The following LTBP1 variants were observed in gnomAD, a reference collection of about 807,000 sequenced individuals.
LTBP1 encodes the protein latent transforming growth factor beta binding protein 1.
A neutral mutation model predicts 207.6 loss-of-function variants in LTBP1; 129 were observed. The observed-to-expected ratio is 0.62, with a 90% CI of 0.54 to 0.72. LTBP1 has a LOEUF of 0.72. Among genes scored for constraint, LTBP1 ranks in the 30% least tolerant of loss-of-function variants. The probability of loss-of-function intolerance (pLI) is 0.00; values close to 1 mark genes in which losing one functional copy is unlikely to be tolerated. For missense variants in LTBP1, 2,281 were observed against 2,217.2 expected (o/e 1.03, Z -0.58); for synonymous variants, 963 against 833.7 (o/e 1.16, Z -2.67).
chr2:33,238,999 A>G (rs10188688), intron 9 of LTBP1, among the ~76,000 whole-genome samples: 145,344 of 152,304 alleles, frequency 0.95, 69,412 homozygotes, highest in East Asian at 1. Flanking sequence ...CTGGTTAATA[A>G]AAGCCCAGCC....
chr2:33,027,004 T>C (rs2075446983), intron 3 of LTBP1, among the ~76,000 whole-genome samples: 2 of 152,352 alleles, frequency 1.3e-5, no homozygotes, highest in South Asian at 4.1e-4. Context: ...CTGCCTGTGT[T>C]TGAACTGTAT....
chr2:33,257,463 G>T lies in LTBP1; in HGVS notation c.2347G>T (p.Ala783Ser). ...CCCAGCCAAGGAAGAGCCAGTGGAG[G>T]CCCTGACCTTCTCCCGGGAACACGG... ...PLPAKEEPVE[A>S]LTFSREHGPG... The change falls in exon 12 of 34, where the codon GCC becomes TCC. Residue 783 changes from alanine (A) to serine (S), a missense_variant. Around this residue, in one of 3 missense-constraint regions of LTBP1, gnomAD observed 1,671 missense variants for 1,634.8 expected, o/e 1.02. Transcript: ENST00000404816. The T allele has an allele frequency of 6.2e-7, 1 of 1,614,214 alleles. No homozygotes were observed. The highest frequency in any genetic ancestry group is 8.5e-7 in the Non-Finnish European group (1 of 1,180,022).
intron 24 of LTBP1, chr2:33,317,819 G>C (rs1328431119): frequency 6.6e-6 from 1 of 152,176 alleles, no homozygotes; most frequent in Non-Finnish European, 1.5e-5. Context: ...CCCGTGACTT[G>C]GAGAAGTGTC....
chr2:33,314,801 A>G (rs570266572), intron 23 of LTBP1, among the ~76,000 whole-genome samples: 19 of 152,310 alleles, frequency 1.2e-4, no homozygotes, highest in African/African-American at 4.3e-4. Context: ...GGAGAGGGCA[A>G]AGAAGGACAG....
rs372456099 is a variant in LTBP1, at chr2:33,279,090, A to G, written c.2993-949A>G. On this transcript the variant is annotated intron_variant, in intron 18 of 33. Coordinates refer to ENST00000404816, the MANE Select transcript of LTBP1 (RefSeq NM_206943.4). The stretch of plus-strand genomic sequence containing the variant: ...TAGTTTATGTCCTGAAAATCCGTTT[A>G]TATTTTAAGTACGATTAAAGGTCAT... Among the ~76,000 whole-genome samples the G allele has an allele frequency of 3.1e-4, 47 of 152,308 alleles. No individual in the cohort carries two copies. In the South Asian group the frequency reaches 8.5e-3, roughly 28 times the overall value.
chr2:33,365,395 G>T lies in LTBP1; in HGVS notation c.4603G>T (p.Val1535Leu). The change falls in exon 31 of 34, where the codon GTG (valine) becomes TTG (leucine). Residue 1535 changes from valine to leucine, a missense_variant. Around this residue, in one of 3 missense-constraint regions of LTBP1, gnomAD observed 1,671 missense variants for 1,634.8 expected, o/e 1.02. Coordinates refer to ENST00000404816, the MANE Select transcript of LTBP1 (RefSeq NM_206943.4). ...CTGGGAACATCTGAGTGATGAATAC[G>T]TGTGTAGCCGGCCTCTTGTGGGCAA... is the stretch of plus-strand genomic sequence containing the variant. ...LCWEHLSDEY[V>L]CSRPLVGKQT... is the part of the protein sequence containing the mutation. 6.2e-7 allele frequency: 1 copy of T among 1,614,156 alleles called. No homozygotes were observed.
chr2:33,387,109 C>T (rs184171729), intron 31 of LTBP1, among the ~76,000 whole-genome samples: 37 of 152,148 alleles, frequency 2.4e-4, no homozygotes, highest in Non-Finnish European at 4.0e-4. Context: ...CATGCCCGGC[C>T]GACAGTTTCT....
chr2:33,240,616 A>G (rs1290644842), intron 9 of LTBP1, among the ~76,000 whole-genome samples: 1 of 151,858 alleles, frequency 6.6e-6, no homozygotes, highest in African/African-American at 2.4e-5. Flanking sequence ...GAAGGGGCAC[A>G]AAGAACCTTC....
At chr2:33,332,516 A>AGTTT (rs2094507783) in intron 24 of LTBP1, among the ~76,000 whole-genome samples, 1 of 151,672 alleles carries the variant, frequency 6.6e-6, no homozygotes, top group African/African-American at 2.4e-5. Context: ...CATATTTCTT[A>AGTTT]ATAGTTTTTA....
rs1405916418 is a variant in LTBP1, at chr2:33,123,368, A to C, written c.1034-11425A>C. On this transcript the variant is annotated intron_variant, in intron 4 of 33. Transcript: ENST00000404816. ...TTTTCAGTAAGATTCCTGGAATCCTATCATGCCTCCTGTTCATTCATCTTT... is the reference window on the plus strand; with the variant it reads ...TTTTCAGTAAGATTCCTGGAATCCTCTCATGCCTCCTGTTCATTCATCTTT... Among the ~76,000 whole-genome samples the C allele has an allele frequency of 5.3e-5, 8 of 151,608 alleles. No homozygotes were observed. The South Asian group carries it at 1.7e-3, about 32-fold the overall frequency.
chr2:32,961,010 T>G (rs920862366), intron 2 of LTBP1, among the ~76,000 whole-genome samples: 1 of 152,116 alleles, frequency 6.6e-6, no homozygotes, highest in Non-Finnish European at 1.5e-5. Context: ...AAAACACGAG[T>G]GCATGCAAGT....
chr2:32,994,037 C>T (rs902959302), intron 2 of LTBP1, among the ~76,000 whole-genome samples: 2 of 148,304 alleles, frequency 1.3e-5, no homozygotes, highest in East Asian at 4.0e-4. Context: ...CCATTCATTA[C>T]AGAGCTTGAC....
At chr2:33,005,801 GCTCTCGAACTCCCGAC>G (rs1367552081) in intron 2 of LTBP1, among the ~76,000 whole-genome samples, 1 of 152,066 alleles carries the variant, frequency 6.6e-6, no homozygotes, top group Non-Finnish European at 1.5e-5. Flanking sequence ...TGGGTAGGCT[GCTCTCGAACTCCCGAC>G]CTCAGGTGAT....
chr2:33,197,825 C>T (rs572717594), intron 7 of LTBP1, among the ~76,000 whole-genome samples: 1 of 152,280 alleles, frequency 6.6e-6, no homozygotes, highest in African/African-American at 2.4e-5. Context: ...CAAGCCTGTG[C>T]TCTTTGTTGA....
At chr2:32,956,437 C>G (rs1029187487) in intron 2 of LTBP1, among the ~76,000 whole-genome samples, 1 of 152,206 alleles carries the variant, frequency 6.6e-6, no homozygotes, top group African/African-American at 2.4e-5. Flanking sequence ...GATTCCATCT[C>G]AAGAAACCAC....
chr2:33,037,317 A>G (rs1440092604), intron 3 of LTBP1, among the ~76,000 whole-genome samples: 2 of 152,198 alleles, frequency 1.3e-5, no homozygotes, highest in African/African-American at 2.4e-5. Context: ...AAGTGCTGCA[A>G]TTGTGTAGTA....
chr2:33,134,351 G>C lies in LTBP1; in HGVS notation c.1034-442G>C. 6 of 460,264 alleles carry C rather than the reference G, an allele frequency of 1.3e-5. No homozygotes were observed. The Admixed American group carries it at 1.5e-4, about 11-fold the overall frequency. The allele number at this position is 460,264 out of a possible 1,614,324, so 28.5% of individuals were successfully genotyped here. Reference sequence around the variant, plus strand: ...TAGTGACTTAATAAGTGGAGAAACAGGGAAAGTATGCAAGTTGAGGACACA... The same window carrying C: ...TAGTGACTTAATAAGTGGAGAAACACGGAAAGTATGCAAGTTGAGGACACA... On this transcript the variant is annotated intron_variant, in intron 4 of 33. Coordinates refer to ENST00000404816, the MANE Select transcript of LTBP1 (RefSeq NM_206943.4). This position sits in a 1 kb window ranked among gnomAD's most constrained non-coding sequence, Gnocchi z 4.4.
chr2:33,150,538 A>G (rs1185491360), intron 5 of LTBP1, among the ~76,000 whole-genome samples: 1 of 151,932 alleles, frequency 6.6e-6, no homozygotes, highest in Non-Finnish European at 1.5e-5. Context: ...TCTAACAGAA[A>G]CTATACCCAT....
At chr2:32,999,246 T>G (rs1685738764) in intron 2 of LTBP1, among the ~76,000 whole-genome samples, 1 of 152,244 alleles carries the variant, frequency 6.6e-6, no homozygotes, top group Admixed American at 6.5e-5. Flanking sequence ...TAGTGAGATC[T>G]GTGCATATTC....
Sources: allele counts gnomAD v4.1 joint callset (sites outside exome capture counted in the v4.1 genomes callset), GRCh38; gene constraint gnomAD v4.1.1; regional missense constraint gnomAD v4.1.1; non-coding constraint Gnocchi (gnomAD v3.1); transcripts MANE v1.5; gene names NCBI Gene and HGNC (gene_info 2026-07-23, HGNC 2026-07-21).